The following TTC12 variants were observed in gnomAD, a reference collection of about 807,000 sequenced individuals.
TTC12 encodes the protein tetratricopeptide repeat protein 12.
Under a neutral mutation model 90.1 loss-of-function variants are expected in TTC12, and 70 were observed. The observed-to-expected ratio is 0.78, with a 90% CI of 0.64 to 0.95. The LOEUF (loss-of-function observed/expected upper bound fraction) is 0.95, where lower values mean the gene tolerates loss of function less well. Among genes scored for constraint, TTC12 ranks in the 40% least tolerant of loss-of-function variants. The pLI, the probability that TTC12 is intolerant of heterozygous loss-of-function variation, is 0.00. For missense variants in TTC12, 819 were observed against 846.1 expected, an observed-to-expected ratio of 0.97 and a Z score of 0.40; for synonymous variants, 296 against 311.5, an observed-to-expected ratio of 0.95 and a Z score of 0.53.
At chr11:113,350,884 A>T (rs532679622) in intron 14 of TTC12, among the ~76,000 whole-genome samples, 70 of 152,322 alleles carry the variant, frequency 4.6e-4, no homozygotes, top group African/African-American at 1.7e-3. Context: ...CCGATGGGTA[A>T]ACATGCTTGC....
At chr11:113,323,952 TGAAA>T in intron 3 of TTC12, 38 bp from the exon 4 acceptor site, 1 of 1,573,488 alleles carries the variant, frequency 6.4e-7, no homozygotes, top group Admixed American at 1.7e-5. Flanking sequence ...GAGTGGTTTT[TGAAA>T]TTTGTTTCTT....
intron 8 of TTC12, among the ~76,000 whole-genome samples, chr11:113,338,568 G>A (rs1948503193): frequency 6.6e-6 from 1 of 152,136 alleles, no homozygotes; most frequent in Non-Finnish European, 1.5e-5. Flanking sequence ...AACTAATTTT[G>A]AAATAATTCC....
intron 4 of TTC12, 72 bp downstream of exon 4, chr11:113,324,087 G>C: frequency 7.9e-7 from 1 of 1,269,412 alleles, no homozygotes; most frequent in Non-Finnish European, 1.1e-6. Flanking sequence ...GTAGCTCCCA[G>C]ACCCTTAAAT....
At chr11:113,350,680 T>C (rs1949228692) in intron 14 of TTC12, among the ~76,000 whole-genome samples, 1 of 152,278 alleles carries the variant, frequency 6.6e-6, no homozygotes, top group African/African-American at 2.4e-5. Context: ...TTAGTTTTCA[T>C]AATTTTTCAG....
intron 19 of TTC12, 92 bp from the exon 20 acceptor site, chr11:113,363,736 C>G (rs994985359): frequency 1.2e-6 from 1 of 819,444 alleles, no homozygotes; most frequent in African/African-American, 1.7e-5. Context: ...GTTTAGGAAG[C>G]CACTAGCGCT....
intron 13 of TTC12, among the ~76,000 whole-genome samples, chr11:113,346,501 T>G (rs1262999366): frequency 2.6e-5 from 4 of 152,112 alleles, no homozygotes; most frequent in African/African-American, 9.7e-5. Context: ...TTGACCTTCC[T>G]CACATGGTCA....
chr11:113,331,227 G>A (rs1555142481), intron 7 of TTC12, among the ~76,000 whole-genome samples: 1 of 152,156 alleles, frequency 6.6e-6, no homozygotes, highest in African/African-American at 2.4e-5. Context: ...CAAAGCTGAT[G>A]ACGTCAAGCT....
chr11:113,356,391 AGCTTGCC>A (rs1949638130), intron 16 of TTC12, among the ~76,000 whole-genome samples: 1 of 152,190 alleles, frequency 6.6e-6, no homozygotes, highest in Non-Finnish European at 1.5e-5. Flanking sequence ...TTCTTTGTCC[AGCTTGCC>A]ACTCTGTGTC....
chr11:113,345,788 T>TTTAATAATTTTAA (rs1948917615), intron 13 of TTC12, among the ~76,000 whole-genome samples: 1 of 152,188 alleles, frequency 6.6e-6, no homozygotes, highest in Non-Finnish European at 1.5e-5. Flanking sequence ...AATATTGTTT[T>TTTAATAATTTTAA]TGTCTCTTTG....
Position 113,344,356 on chromosome 11 carries a change from G to T in TTC12, c.1070G>T (p.Arg357Leu), listed in dbSNP as rs538682525. The stretch of plus-strand genomic sequence containing the variant: ...TTGTCCTCCAAGGTCCTGGCCATCC[G>T]GCAGCAGAGCTTTGCCCTGCTGCTG... ...ALLSSKVLAI[R>L]QQSFALLLHL... Residue 357 changes from arginine (R) to leucine (L), a missense_variant, in exon 13 of 22, where the codon CGG becomes CTG. Physicochemically the swap from Arg to Leu is moderately radical, Grantham distance 102. Coordinates refer to ENST00000529221, the MANE Select transcript of TTC12 (RefSeq NM_017868.4). 6.2e-7 allele frequency: 1 copy of T among 1,614,096 alleles called. No individual in the cohort carries two copies. Among genetic ancestry groups the T allele is most frequent in the Non-Finnish European group, 8.5e-7 (1 of 1,179,990 alleles).
intron 12 of TTC12, among the ~76,000 whole-genome samples, chr11:113,344,003 A>G (rs183874204): frequency 4.6e-5 from 7 of 152,302 alleles, no homozygotes; most frequent in Non-Finnish European, 5.9e-5. Flanking sequence ...GTACTAACTT[A>G]TTTAATCCTC....
rs537525374 is a variant in TTC12 at position 113,324,050 on chromosome 11, T to C, written c.244+35T>C. The C allele has an allele frequency of 2.8e-4, 449 of 1,575,786 alleles. 2 individuals carry two copies. Among genetic ancestry groups the C allele is most frequent in the Non-Finnish European group, 7.9e-5 (90 of 1,145,882 alleles). On this transcript the variant is annotated intron_variant, in intron 4 of 21. Transcript: ENST00000529221. ...GCATCTCTCTTCCCAATTTTCATTC[T>C]TTATATAGGACCAGTTTTGATTGAT...
chr11:113,352,096 C>T lies in TTC12; in HGVS notation c.1335C>T (p.Ser445=). The T allele has an allele frequency of 1.2e-6, 2 of 1,614,126 alleles. No homozygotes were observed. Among genetic ancestry groups the T allele is most frequent in the Non-Finnish European group, 1.7e-6 (2 of 1,179,986 alleles). ...VLKTDPKVSS[S]SALCQCIAIM... ...AGACAGATCCCAAGGTAAGCAGCTC[C>T]TCGGCTCTGTGCCAGTGCATTGCCA... is the stretch of plus-strand genomic sequence containing the variant. The change falls in exon 16 of 22, where the codon TCC becomes TCT. Residue 445 remains serine (S), a synonymous_variant. Transcript: ENST00000529221.
At chr11:113,369,998 A>G (rs747136043), downstream of TTC12, among the ~76,000 whole-genome samples, 1 of 152,160 alleles carries the variant, frequency 6.6e-6, no homozygotes, top group Non-Finnish European at 1.5e-5. Flanking sequence ...AAGATCCCCC[A>G]AGAGCCAGCT....
At chr11:113,327,186 G>A (rs1947746556) in intron 6 of TTC12, among the ~76,000 whole-genome samples, 1 of 152,184 alleles carries the variant, frequency 6.6e-6, no homozygotes, top group African/African-American at 2.4e-5. Context: ...TCATTTTTAA[G>A]CAGCACTTTG....
intron 6 of TTC12, among the ~76,000 whole-genome samples, chr11:113,327,352 T>A (rs538449601): frequency 6.6e-6 from 1 of 152,178 alleles, no homozygotes; most frequent in Non-Finnish European, 1.5e-5. Flanking sequence ...TTACAAACCG[T>A]TTGAACCATT....
intron 16 of TTC12, 149 bp downstream of exon 16, chr11:113,352,356 G>T: frequency 1.1e-6 from 1 of 909,150 alleles, no homozygotes; most frequent in Non-Finnish European, 1.7e-6. Context: ...CGGATTTTAT[G>T]CACTGCTGGC....
At chr11:113,329,766 C>T (rs1409849597) in intron 6 of TTC12, 154 bp from the exon 7 acceptor site, 4 of 712,134 alleles carry the variant, frequency 5.6e-6, no homozygotes, top group Non-Finnish European at 1.0e-5. Flanking sequence ...TTGCCCAGTG[C>T]AAGTGTGCCA....
In TTC12 at chr11:113,326,598, TG is replaced by T. The variant is rs547001477; in HGVS notation, c.444+957del. Among the ~76,000 whole-genome samples the T allele has an allele frequency of 1.1e-4, 17 of 152,218 alleles. No homozygotes were observed. In the East Asian group the frequency reaches 3.3e-3, roughly 29 times the overall value. ...CAGGACATTCGGAAGCCGAAACATA[TG>T]GGGAGTGACAGTGACTTAATGATAA... On this transcript the variant is annotated intron_variant, in intron 6 of 21. Coordinates refer to ENST00000529221, the MANE Select transcript of TTC12 (RefSeq NM_017868.4).
Sources: gnomAD v4.1 joint callset for allele counts (sites outside exome capture counted in the v4.1 genomes callset) on GRCh38, gnomAD v4.1.1 for gene constraint, MANE v1.5 for transcripts, NCBI Gene and HGNC (gene_info 2026-07-23, HGNC 2026-07-21) for gene names.